F13A1: variants seen among roughly 807,000 people sequenced by gnomAD.
F13A1 encodes FSF, A subunit.
A neutral mutation model predicts 80.1 loss-of-function variants in F13A1; 47 were observed. The observed-to-expected ratio is 0.59, with a 90% CI of 0.46 to 0.75. The LOEUF (loss-of-function observed/expected upper bound fraction) is 0.75, where lower values mean the gene tolerates loss of function less well. Among genes scored for constraint, F13A1 ranks in the 30% least tolerant of loss-of-function variants. The pLI, the probability that F13A1 is intolerant of heterozygous loss-of-function variation, is 0.00. For missense variants in F13A1, 817 were observed against 930.4 expected, an observed-to-expected ratio of 0.88 and a Z score of 1.59; for synonymous variants, 349 against 344.9, an observed-to-expected ratio of 1.01 and a Z score of -0.13.
chr6:6,264,951 A>T (rs1561672660), intron 4 of F13A1, among the ~76,000 whole-genome samples: 1 of 152,130 alleles, frequency 6.6e-6, no homozygotes, highest in Non-Finnish European at 1.5e-5. Context: ...TTTTGCCAAC[A>T]CTAGTGGAAC....
intron 3 of F13A1, among the ~76,000 whole-genome samples, chr6:6,272,400 A>T (rs1233367461): frequency 6.6e-6 from 1 of 152,126 alleles, no homozygotes; most frequent in African/African-American, 2.4e-5. Context: ...CTTGCCATCA[A>T]GGAGGGTTGG....
At chr6:6,309,539 C>A (rs1382524557) in intron 2 of F13A1, among the ~76,000 whole-genome samples, 1 of 152,096 alleles carries the variant, frequency 6.6e-6, no homozygotes, top group Non-Finnish European at 1.5e-5. Flanking sequence ...TGATGGTTGG[C>A]TGAAATGTAC....
At chr6:6,167,727 G>A in intron 12 of F13A1, 109 bp from the exon 13 acceptor site, 2 of 1,256,302 alleles carry the variant, frequency 1.6e-6, no homozygotes, top group Non-Finnish European at 2.2e-6. Flanking sequence ...AAGCCACCAG[G>A]AACACAGCAA....
Position 6,171,151 on chromosome 6 carries a change from G to C in F13A1, c.1747+3429C>G, listed in dbSNP as rs545174316. ...GAGGTGGGAAAAGGGCTGGCATTTG[G>C]TTCTTTGTCTAAGGATCTGTGCTAG... On this transcript the variant is annotated intron_variant, in intron 12 of 14. Transcript: ENST00000264870. Among the ~76,000 whole-genome samples the C allele has an allele frequency of 2.0e-5, 3 of 152,328 alleles. No individual in the cohort carries two copies. The East Asian group carries it at 5.8e-4, about 29-fold the overall frequency.
intron 11 of F13A1, among the ~76,000 whole-genome samples, chr6:6,180,005 C>T (rs1405082019): frequency 6.6e-6 from 1 of 152,230 alleles, no homozygotes; most frequent in Non-Finnish European, 1.5e-5. Flanking sequence ...ATGCTGACAG[C>T]TAATGGCAGC....
chr6:6,224,625 A>C (rs528766318), intron 7 of F13A1, 61 bp downstream of exon 7: 1 of 1,512,740 alleles, frequency 6.6e-7, no homozygotes, highest in East Asian at 2.3e-5. Context: ...GGTTATAGAA[A>C]AAATGTCTTA....
chr6:6,179,292 A>G (rs1036611302), intron 11 of F13A1, among the ~76,000 whole-genome samples: 1 of 152,256 alleles, frequency 6.6e-6, no homozygotes, highest in Admixed American at 6.5e-5. Context: ...TTAATTATAT[A>G]TCTTGAAAAA....
intron 3 of F13A1, among the ~76,000 whole-genome samples, chr6:6,303,117 C>A (rs570162167): frequency 1.3e-5 from 2 of 152,284 alleles, no homozygotes; most frequent in South Asian, 4.1e-4. Flanking sequence ...CATATTAACT[C>A]ATATACTGAA....
chr6:6,168,233 T>C (rs1034784961), intron 12 of F13A1, among the ~76,000 whole-genome samples: 1 of 152,248 alleles, frequency 6.6e-6, no homozygotes, highest in Admixed American at 6.5e-5. Flanking sequence ...AGAAGACCTC[T>C]GTGCCAAACA....
At chr6:6,309,818 T>C (rs1361592515) in intron 2 of F13A1, among the ~76,000 whole-genome samples, 1 of 152,128 alleles carries the variant, frequency 6.6e-6, no homozygotes, top group Admixed American at 6.6e-5. Context: ...TTAGCCTGCA[T>C]GTAGGGGTTC....
chr6:6,316,925 TCTGCTTCC>T (rs941319515), intron 2 of F13A1, among the ~76,000 whole-genome samples: 36 of 152,332 alleles, frequency 2.4e-4, no homozygotes, highest in African/African-American at 7.5e-4. Context: ...GCCTCTGCTC[TCTGCTTCC>T]CTGCTTCCCT....
At chr6:6,212,938 G>A (rs1251863743) in intron 8 of F13A1, among the ~76,000 whole-genome samples, 9 of 152,138 alleles carry the variant, frequency 5.9e-5, no homozygotes, top group African/African-American at 1.9e-4. Context: ...AGCGATGGAA[G>A]ATGAAATGAA....
At chr6:6,194,466 G>C (rs1034309713) in intron 10 of F13A1, among the ~76,000 whole-genome samples, 1 of 152,018 alleles carries the variant, frequency 6.6e-6, no homozygotes, top group Non-Finnish European at 1.5e-5. Flanking sequence ...CTTCCCATGT[G>C]GTCCCACAGT....
chr6:6,192,752 A>G (rs978663953), intron 10 of F13A1, among the ~76,000 whole-genome samples: 1 of 152,106 alleles, frequency 6.6e-6, no homozygotes, highest in Admixed American at 6.5e-5. Flanking sequence ...GGAGCCAGTT[A>G]TTGCTCCTGT....
At chr6:6,190,199 C>T (rs569009518) in intron 10 of F13A1, among the ~76,000 whole-genome samples, 195 of 152,172 alleles carry the variant, frequency 1.3e-3, no homozygotes, top group African/African-American at 4.0e-3. Flanking sequence ...GTAATTTGAT[C>T]GTCTGAAGCC....
intron 3 of F13A1, among the ~76,000 whole-genome samples, chr6:6,296,654 A>T (rs926416124): frequency 6.7e-6 from 1 of 148,880 alleles, no homozygotes; most frequent in Non-Finnish European, 1.5e-5. Context: ...GGGCTGAGAC[A>T]ATGGGGTTTT....
chr6:6,192,559 GC>G (rs1224273740), intron 10 of F13A1, among the ~76,000 whole-genome samples: 10 of 152,180 alleles, frequency 6.6e-5, no homozygotes, highest in Non-Finnish European at 1.5e-4. Context: ...TTATTTTATA[GC>G]CAAGTAGGAG....
chr6:6,175,881 A>G lies in F13A1; in HGVS notation c.1460-1014T>C, dbSNP rs148062820. 1.3e-3 allele frequency among the ~76,000 whole-genome samples: 195 copies of G among 152,380 alleles called. 1 individual carries two copies. Among genetic ancestry groups the G allele is most frequent in the African/African-American group, 4.3e-3 (177 of 41,600 alleles). On this transcript the variant is annotated intron_variant, in intron 11 of 14. Transcript: ENST00000264870. ...GGGTAACCTCCAGAAGAAGAAAAACATAGCTTTGTCTAAGTGATGAGGCAG... is the reference window on the plus strand; with the variant it reads ...GGGTAACCTCCAGAAGAAGAAAAACGTAGCTTTGTCTAAGTGATGAGGCAG...
At chr6:6,165,710 GT>G (rs1760659390) in intron 13 of F13A1, among the ~76,000 whole-genome samples, 1 of 152,234 alleles carries the variant, frequency 6.6e-6, no homozygotes, top group African/African-American at 2.4e-5. Context: ...CAGCTTCGGG[GT>G]TAGGGCATCC....
Sources: gnomAD v4.1 joint callset for allele counts (sites outside exome capture counted in the v4.1 genomes callset) on GRCh38, gnomAD v4.1.1 for gene constraint, MANE v1.5 for transcripts, NCBI Gene and HGNC (gene_info 2026-07-23, HGNC 2026-07-21) for gene names.